ZSWIM5: variants seen among roughly 807,000 people sequenced by gnomAD.
ZSWIM5 encodes the protein zinc finger SWIM-type containing 5, also known as zinc finger SWIM domain-containing protein 5.
Under a neutral mutation model 119.6 loss-of-function variants are expected in ZSWIM5, and 55 were observed. That is an observed-to-expected ratio of 0.46 (90% CI 0.37 to 0.58). The LOEUF (loss-of-function observed/expected upper bound fraction) is 0.58, where lower values mean the gene tolerates loss of function less well. Ranked by LOEUF, ZSWIM5 falls within the 20% of genes least tolerant of loss-of-function variation. ZSWIM5 has a pLI of 0.00. For synonymous variants in ZSWIM5, 537 were observed against 606.9 expected (o/e 0.88, Z 1.69); for missense variants, 1,193 against 1,512.8 (o/e 0.79, Z 3.51).
At chr1:45,022,694 T>C (rs921915659) in intron 11 of ZSWIM5, among the ~76,000 whole-genome samples, 3 of 152,364 alleles carry the variant, frequency 2.0e-5, no homozygotes, top group Admixed American at 2.0e-4. Flanking sequence ...ATTAACATCT[T>C]ATACTAATGT....
At chr1:45,031,169 A>ATTTTTTTT (rs34390567) in intron 11 of ZSWIM5, among the ~76,000 whole-genome samples, 15 of 61,744 alleles carry the variant, frequency 2.4e-4, no homozygotes, top group Non-Finnish European at 2.8e-4. Flanking sequence ...TTTTGCTCTG[A>ATTTTTTTT]TTTTTTTTTT....
rs1644854418 is a variant in ZSWIM5, at chr1:45,016,506, T to G, written c.*1948A>C. The G allele has an allele frequency of 6.6e-6, 1 of 151,792 alleles. No individual in the cohort carries two copies. The highest frequency in any genetic ancestry group is 6.6e-5 in the Admixed American group (1 of 15,202). 9.4% of individuals were successfully genotyped at this position (151,792 alleles called of 1,614,324 possible). On this transcript the variant is annotated 3_prime_UTR_variant, in exon 14 of 14. Transcript: ENST00000359600. Reference sequence around the variant, plus strand: ...GGCAACTGTGATACAGAAATGAGAGTGGCTTCTCTCTTTTTTTTAACCAAC... The same window carrying G: ...GGCAACTGTGATACAGAAATGAGAGGGGCTTCTCTCTTTTTTTTAACCAAC...
intron 1 of ZSWIM5, among the ~76,000 whole-genome samples, chr1:45,121,339 T>C (rs927345406): frequency 6.6e-6 from 1 of 152,162 alleles, no homozygotes; most frequent in Non-Finnish European, 1.5e-5. Flanking sequence ...TCAACAGTCC[T>C]CTCTGTAGGC....
chr1:45,196,911 T>C (rs868273942), intron 1 of ZSWIM5, among the ~76,000 whole-genome samples: 3 of 152,152 alleles, frequency 2.0e-5, no homozygotes, highest in Non-Finnish European at 2.9e-5. Context: ...GGGCCTACAT[T>C]TAAAATAGAG....
chr1:45,044,649 G>A (rs563433451), intron 5 of ZSWIM5, among the ~76,000 whole-genome samples: 29 of 120,806 alleles, frequency 2.4e-4, no homozygotes, highest in Middle Eastern at 0.011. Context: ...GCGTGAACCC[G>A]GAAGGCGGAG....
At chr1:45,071,452 C>CTTT (rs1323705921) in intron 2 of ZSWIM5, among the ~76,000 whole-genome samples, 1 of 32,700 alleles carries the variant, frequency 3.1e-5, no homozygotes, top group Non-Finnish European at 5.8e-5. Context: ...ATGACAGAAT[C>CTTT]TCTTTTTTTT....
At chr1:45,107,215 TA>T (rs923615370) in intron 1 of ZSWIM5, among the ~76,000 whole-genome samples, 13 of 146,900 alleles carry the variant, frequency 8.8e-5, no homozygotes, top group Admixed American at 1.4e-4. Flanking sequence ...CAATAAATAC[TA>T]AAAAAAAAAG....
At chr1:45,083,761 G>A (rs1188317894) in intron 2 of ZSWIM5, among the ~76,000 whole-genome samples, 2 of 152,182 alleles carry the variant, frequency 1.3e-5, no homozygotes, top group Non-Finnish European at 2.9e-5. Context: ...ATAAAGAAAA[G>A]TTTAATTGGC....
Position 45,202,831 on chromosome 1 carries a change from G to A in ZSWIM5, c.595+2925C>T, listed in dbSNP as rs1646165819. 3.3e-5 allele frequency among the ~76,000 whole-genome samples: 5 copies of A among 151,996 alleles called. No homozygotes were observed. In the South Asian group the frequency reaches 1.0e-3, roughly 31 times the overall value. On this transcript the variant is annotated intron_variant, in intron 1 of 13. Coordinates refer to ENST00000359600, the MANE Select transcript of ZSWIM5 (RefSeq NM_020883.2). ...AAATCAATTTAAAATACAGTGGATA[G>A]CAAAAGGGTCAAAATGTTAAAACCG...
chr1:45,019,828 G>T lies in ZSWIM5; in HGVS notation c.2695+238C>A, dbSNP rs1045726938. Among the ~76,000 whole-genome samples the T allele has an allele frequency of 2.0e-5, 3 of 152,196 alleles. No individual in the cohort carries two copies. The highest frequency in any genetic ancestry group is 4.4e-5 in the Non-Finnish European group (3 of 68,038). ...AATTCATTCTCTTAGACATGTCTCT[G>T]TTGAGAGGATCAAGGGCTGCTGACA... is the stretch of plus-strand genomic sequence containing the variant. On this transcript the variant is annotated intron_variant, in intron 13 of 13. Coordinates refer to ENST00000359600, the MANE Select transcript of ZSWIM5 (RefSeq NM_020883.2). The surrounding 1 kb of genome is among the most constrained non-coding windows in gnomAD (Gnocchi z 5.0).
intron 1 of ZSWIM5, among the ~76,000 whole-genome samples, chr1:45,152,358 A>G (rs140363224): frequency 2.0e-4 from 31 of 152,350 alleles, no homozygotes; most frequent in African/African-American, 7.0e-4. Context: ...TGGTGGTGGC[A>G]GATAAGTTTT....
intron 5 of ZSWIM5, among the ~76,000 whole-genome samples, chr1:45,046,634 A>ATGTGTGTGTGTG (rs60762459): frequency 0.092 from 13,615 of 147,362 alleles, 830 homozygotes; most frequent in African/African-American, 0.16. Context: ...TGGGCAAGAT[A>ATGTGTGTGTGTG]TGTGTGTGTG....
chr1:45,146,133 A>G (rs1645757999), intron 1 of ZSWIM5, among the ~76,000 whole-genome samples: 2 of 152,218 alleles, frequency 1.3e-5, no homozygotes, highest in African/African-American at 4.8e-5. Context: ...ACAAGTATAG[A>G]TAACTCTTGA....
chr1:45,063,855 G>A (rs1373017494), intron 2 of ZSWIM5, among the ~76,000 whole-genome samples: 1 of 152,092 alleles, frequency 6.6e-6, no homozygotes, highest in Non-Finnish European at 1.5e-5. Context: ...GGTGGTGGGT[G>A]CATGTAGTCC....
intron 1 of ZSWIM5, among the ~76,000 whole-genome samples, chr1:45,094,889 A>T (rs11211076): frequency 1.3e-5 from 2 of 151,336 alleles, no homozygotes; most frequent in African/African-American, 4.8e-5. Context: ...AGACAGAGAC[A>T]GCAGTATGTT....
At chr1:45,069,905 G>T in intron 2 of ZSWIM5, 2 of 519,216 alleles carry the variant, frequency 3.9e-6, no homozygotes, top group African/African-American at 1.9e-5. Context: ...CATATTAGAG[G>T]ACTGGTACAG....
intron 2 of ZSWIM5, among the ~76,000 whole-genome samples, chr1:45,064,974 T>A (rs942597733): frequency 7.9e-5 from 12 of 152,202 alleles, no homozygotes; most frequent in African/African-American, 2.7e-4. Flanking sequence ...CCAAATCCCA[T>A]ATTTTCTCAG....
At chr1:45,191,669 G>C (rs894415452) in intron 1 of ZSWIM5, among the ~76,000 whole-genome samples, 1 of 152,196 alleles carries the variant, frequency 6.6e-6, no homozygotes, top group Non-Finnish European at 1.5e-5. Context: ...TTGAGGCTCA[G>C]AGAGGTTAAG....
intron 1 of ZSWIM5, among the ~76,000 whole-genome samples, chr1:45,168,664 C>CAAA (rs1024002696): frequency 3.3e-4 from 13 of 39,084 alleles, no homozygotes; most frequent in African/African-American, 6.2e-4. Context: ...GACTCCATCT[C>CAAA]AAAAAAAAAA....
Sources: gnomAD v4.1 joint callset for allele counts (sites outside exome capture counted in the v4.1 genomes callset) on GRCh38, gnomAD v4.1.1 for gene constraint, Gnocchi (gnomAD v3.1) non-coding constraint, MANE v1.5 for transcripts, NCBI Gene and HGNC (gene_info 2026-07-23, HGNC 2026-07-21) for gene names.